PRKG1: variants seen among roughly 807,000 people sequenced by gnomAD.
PRKG1 encodes the protein cGMP-dependent protein kinase 1.
In PRKG1, 35 loss-of-function variants were observed where a neutral mutation model predicts 88.1. The observed-to-expected ratio is 0.40, with a 90% CI of 0.30 to 0.53. The LOEUF is 0.53. Ranked by LOEUF, PRKG1 falls within the 20% of genes least tolerant of loss-of-function variation. The probability of loss-of-function intolerance (pLI) is 0.59; values close to 1 mark genes in which losing one functional copy is unlikely to be tolerated. For synonymous variants in PRKG1, 303 were observed against 292.5 expected (o/e 1.04, Z -0.37); for missense variants, 540 against 839.8 (o/e 0.64, Z 4.41).
chr10:52,143,605 G>C (rs866669087), intron 8 of PRKG1, among the ~76,000 whole-genome samples: 1 of 152,108 alleles, frequency 6.6e-6, no homozygotes, highest in Admixed American at 6.6e-5. Context: ...TAAAGGGAGA[G>C]CTTTAAAACC....
At chr10:51,666,267 T>G (rs374891359) in intron 3 of PRKG1, among the ~76,000 whole-genome samples, 1 of 152,192 alleles carries the variant, frequency 6.6e-6, no homozygotes, top group Non-Finnish European at 1.5e-5. Context: ...AGAAATCAAG[T>G]ATATCTTTGG....
chr10:50,991,664 G>C lies in PRKG1; in HGVS notation c.266+20G>C, dbSNP rs1842783633. 2 of 1,465,762 alleles carry C rather than the reference G, an allele frequency of 1.4e-6. No individual in the cohort carries two copies. Among genetic ancestry groups the C allele is most frequent in the South Asian group, 2.6e-5 (2 of 76,284 alleles). The allele number at this position is 1,465,762 out of a possible 1,614,324, so 90.8% of individuals were successfully genotyped here. A position where few individuals can be genotyped will look rare whatever the true frequency, so the allele number is the denominator to read the frequency against. ...CGAAAGGTAGGCGCGGAGGCCGTGG[G>C]CCCGGGCGCTCGTCCCGGCCCGCGG... On this transcript the variant is annotated intron_variant, in intron 1 of 17. Coordinates refer to the PRKG1 transcript ENST00000401604. The surrounding 1 kb of genome is among the most constrained non-coding windows in gnomAD (Gnocchi z 4.5).
At chr10:51,850,519 A>G (rs914962718) in intron 4 of PRKG1, among the ~76,000 whole-genome samples, 2 of 151,834 alleles carry the variant, frequency 1.3e-5, no homozygotes, top group African/African-American at 4.8e-5. Context: ...ATGTATATGT[A>G]TATATTTGCA....
At chr10:52,058,918 A>G (rs1485231796) in intron 6 of PRKG1, among the ~76,000 whole-genome samples, 1 of 151,952 alleles carries the variant, frequency 6.6e-6, no homozygotes. Context: ...AGGGGTTTGT[A>G]TTGATCCTAT....
chr10:51,535,175 C>A (rs1842115310), intron 3 of PRKG1, among the ~76,000 whole-genome samples: 1 of 152,010 alleles, frequency 6.6e-6, no homozygotes, highest in South Asian at 2.1e-4. Flanking sequence ...TATACTGATA[C>A]AATTGGTCTT....
intron 2 of PRKG1, among the ~76,000 whole-genome samples, chr10:51,270,142 G>A (rs1319860546): frequency 6.6e-6 from 1 of 150,436 alleles, no homozygotes; most frequent in Non-Finnish European, 1.5e-5. Flanking sequence ...TAGAAGGGGA[G>A]ACTAATTTCA....
chr10:51,778,924 T>C (rs1238675988), intron 3 of PRKG1, among the ~76,000 whole-genome samples: 3 of 148,950 alleles, frequency 2.0e-5, no homozygotes, highest in Non-Finnish European at 1.5e-5. Context: ...TGGTAATCTT[T>C]ATATAGTTTT....
chr10:51,401,927 G>T (rs1348830675), intron 2 of PRKG1, among the ~76,000 whole-genome samples: 1 of 152,150 alleles, frequency 6.6e-6, no homozygotes, highest in Non-Finnish European at 1.5e-5. Flanking sequence ...TGACAAAAAT[G>T]AGTTTTGTGC....
chr10:51,361,040 T>C (rs1842469726), intron 2 of PRKG1, among the ~76,000 whole-genome samples: 1 of 151,914 alleles, frequency 6.6e-6, no homozygotes, highest in Non-Finnish European at 1.5e-5. Flanking sequence ...AGGGCACTTA[T>C]CAGTATTCTC....
At chr10:51,801,046 A>G (rs76668042) in intron 3 of PRKG1, among the ~76,000 whole-genome samples, 4 of 152,050 alleles carry the variant, frequency 2.6e-5, no homozygotes, top group African/African-American at 7.2e-5. Flanking sequence ...CCCCATGGAA[A>G]GTATGTGTTG....
intron 1 of PRKG1, among the ~76,000 whole-genome samples, chr10:51,019,707 C>T (rs1354967195): frequency 4.6e-5 from 7 of 150,868 alleles, no homozygotes; most frequent in African/African-American, 1.7e-4. Context: ...GTAAAAAAAC[C>T]CCACAGAATG....
chr10:51,167,834 T>C (rs1846591311), intron 2 of PRKG1, among the ~76,000 whole-genome samples: 1 of 152,174 alleles, frequency 6.6e-6, no homozygotes, highest in Admixed American at 6.5e-5. Flanking sequence ...AAGATTTCTG[T>C]TCTGACGGTA....
intron 5 of PRKG1, among the ~76,000 whole-genome samples, chr10:51,930,495 CTTTTT>C (rs3029977): frequency 9.6e-6 from 1 of 104,470 alleles, no homozygotes; most frequent in Non-Finnish European, 1.9e-5. Context: ...TTTTTTTCCT[CTTTTT>C]TTTTTTTTTT....
At chr10:52,172,440 G>T (rs1274155508) in intron 9 of PRKG1, among the ~76,000 whole-genome samples, 1 of 151,938 alleles carries the variant, frequency 6.6e-6, no homozygotes, top group Non-Finnish European at 1.5e-5. Flanking sequence ...GGATACTTTG[G>T]TCCTGTATGG....
intron 1 of PRKG1, among the ~76,000 whole-genome samples, chr10:51,110,616 A>G (rs1844959863): frequency 6.6e-6 from 1 of 152,086 alleles, no homozygotes; most frequent in African/African-American, 2.4e-5. Context: ...GACTGTGGTG[A>G]TGTTTTCATT....
At chr10:52,106,580 G>A (rs1276449462) in intron 7 of PRKG1, among the ~76,000 whole-genome samples, 2 of 151,820 alleles carry the variant, frequency 1.3e-5, no homozygotes, top group Non-Finnish European at 2.9e-5. Flanking sequence ...ATCACAGATG[G>A]TCCTCATGGG....
intron 4 of PRKG1, among the ~76,000 whole-genome samples, chr10:51,861,702 T>C (rs917404564): frequency 5.9e-5 from 9 of 152,312 alleles, no homozygotes; most frequent in Admixed American, 5.9e-4. Context: ...TTACGAGTTG[T>C]TTATGAAAAC....
chr10:51,975,997 A>C (rs979743280), intron 5 of PRKG1, among the ~76,000 whole-genome samples: 3 of 152,058 alleles, frequency 2.0e-5, no homozygotes, highest in Admixed American at 2.0e-4. Context: ...ACAAGTGGCC[A>C]ATAAGCATAT....
chr10:52,070,395 A>T (rs1003455806), intron 7 of PRKG1, among the ~76,000 whole-genome samples: 3 of 152,160 alleles, frequency 2.0e-5, no homozygotes, highest in Non-Finnish European at 4.4e-5. Flanking sequence ...TTTGTAGGTA[A>T]ACTGTCTCTC....
Sources: allele counts gnomAD v4.1 joint callset (sites outside exome capture counted in the v4.1 genomes callset), GRCh38; gene constraint gnomAD v4.1.1; non-coding constraint Gnocchi (gnomAD v3.1); transcripts MANE v1.5; gene names NCBI Gene and HGNC (gene_info 2026-07-23, HGNC 2026-07-21).